The following STK3 variants were observed in gnomAD, a reference collection of about 807,000 sequenced individuals.
The protein encoded by STK3 is serine/threonine kinase 3, also known as serine/threonine-protein kinase 3.
STK3 carries 41 observed loss-of-function variants against 58.0 expected under a neutral mutation model. The observed-to-expected ratio is 0.71, with a 90% CI of 0.55 to 0.92. STK3 has a LOEUF of 0.92. Among genes scored for constraint, STK3 ranks in the 40% least tolerant of loss-of-function variants. The pLI, the probability that STK3 is intolerant of heterozygous loss-of-function variation, is 0.00. For synonymous variants in STK3, 170 were observed against 191.0 expected, an observed-to-expected ratio of 0.89 and a Z score of 0.91; for missense variants, 479 against 602.7, an observed-to-expected ratio of 0.79 and a Z score of 2.15.
At chr8:98,696,366 T>G (rs1824926610) in intron 6 of STK3, among the ~76,000 whole-genome samples, 1 of 151,614 alleles carries the variant, frequency 6.6e-6, no homozygotes, top group Admixed American at 6.6e-5. Context: ...CCTGCCTAAT[T>G]GCCCTGGCCA....
chr8:98,819,209 C>G (rs1038449393), intron 1 of STK3, among the ~76,000 whole-genome samples: 1 of 152,102 alleles, frequency 6.6e-6, no homozygotes, highest in African/African-American at 2.4e-5. Context: ...GCCTCAATCT[C>G]CTGAGCTCAA....
At chr8:98,363,023 T>C in the STK3 span, among the ~76,000 whole-genome samples, 1 of 152,208 alleles carries the variant, frequency 6.6e-6, no homozygotes, top group Non-Finnish European at 1.5e-5. Flanking sequence ...CCATGTTATC[T>C]ACAGTCCAGG....
At chr8:98,347,523 ACAAAAAAAAC>A in the STK3 span, among the ~76,000 whole-genome samples, 2 of 142,148 alleles carry the variant, frequency 1.4e-5, no homozygotes, top group South Asian at 2.2e-4. Context: ...TCAAAAAAAA[ACAAAAAAAAC>A]CAAAAAAAAC....
intron 3 of STK3, among the ~76,000 whole-genome samples, chr8:98,402,103 T>C (rs373555218): frequency 1.6e-4 from 24 of 152,344 alleles, no homozygotes; most frequent in Non-Finnish European, 3.5e-4. Flanking sequence ...ATAATTGGTA[T>C]TAATAATAGC....
In STK3 at chr8:98,579,654, A is replaced by C. The variant is rs1263701212; in HGVS notation, c.948+10T>G. On this transcript the variant is annotated intron_variant, in intron 8 of 10. Coordinates refer to ENST00000419617, the MANE Select transcript of STK3 (RefSeq NM_006281.4). ...AGAAAAAAATCAACTTTTTGAAGATAATTACAAACCGAATTTTCTTCTTCC... is the reference window on the plus strand; with the variant it reads ...AGAAAAAAATCAACTTTTTGAAGATCATTACAAACCGAATTTTCTTCTTCC... 3 of 1,600,430 alleles carry C rather than the reference A, an allele frequency of 1.9e-6. No individual in the cohort carries two copies. Among genetic ancestry groups the C allele is most frequent in the Non-Finnish European group, 2.5e-6 (3 of 1,177,218 alleles).
In STK3 at chr8:98,544,356, C is replaced by T. The variant is rs77801431; in HGVS notation, c.1141+3613G>A. Among the ~76,000 whole-genome samples the T allele has an allele frequency of 3.0e-3, 454 of 152,134 alleles. 4 individuals are homozygous for T. The highest frequency in any genetic ancestry group is 0.01 in the African/African-American group (422 of 41,526). ...ATGTAATTTTTAAACTGTTTCCTTC[C>T]TGTACTATTTGTATTTAATAAGTTA... On this transcript the variant is annotated intron_variant, in intron 9 of 10. Coordinates refer to ENST00000419617, the MANE Select transcript of STK3 (RefSeq NM_006281.4).
At chr8:98,923,286 G>A (rs1280738661) in intron 1 of STK3, among the ~76,000 whole-genome samples, 2 of 152,174 alleles carry the variant, frequency 1.3e-5, no homozygotes, top group Non-Finnish European at 1.5e-5. Context: ...TTATAATAAA[G>A]TTTCTTTTTT....
the STK3 span, among the ~76,000 whole-genome samples, chr8:98,353,950 A>T: frequency 4.8e-3 from 730 of 152,302 alleles, 8 homozygotes; most frequent in African/African-American, 0.017. Flanking sequence ...AACTCTAGTA[A>T]TATATTTTTT....
chr8:98,696,212 C>A (rs888973230), intron 6 of STK3, among the ~76,000 whole-genome samples: 1 of 152,148 alleles, frequency 6.6e-6, no homozygotes, highest in African/African-American at 2.4e-5. Context: ...ATTTTGTATC[C>A]TGAGACTTTG....
At chr8:98,912,340 T>C (rs926401837) in intron 1 of STK3, among the ~76,000 whole-genome samples, 2 of 151,748 alleles carry the variant, frequency 1.3e-5, no homozygotes, top group African/African-American at 4.9e-5. Flanking sequence ...ATCGCGCCAC[T>C]GCACTCCAGC....
chr8:98,426,518 C>T (rs908203918), intron 3 of STK3, among the ~76,000 whole-genome samples: 3 of 152,080 alleles, frequency 2.0e-5, no homozygotes, highest in African/African-American at 7.2e-5. Flanking sequence ...CTCCCGCCCC[C>T]CGCGTACTAA....
At chr8:98,900,221 C>T (rs950038561) in intron 1 of STK3, among the ~76,000 whole-genome samples, 71 of 151,670 alleles carry the variant, frequency 4.7e-4, no homozygotes, top group Admixed American at 3.1e-3. Context: ...AGATTACAGG[C>T]GCCCGCCACT....
intron 8 of STK3, among the ~76,000 whole-genome samples, chr8:98,564,178 GA>G (rs1285841060): frequency 6.6e-6 from 1 of 150,940 alleles, no homozygotes; most frequent in African/African-American, 2.4e-5. Flanking sequence ...CTCATCATTA[GA>G]AAAAAAAATC....
At chr8:98,436,389 C>T (rs940669797) in intron 2 of STK3, among the ~76,000 whole-genome samples, 23 of 152,202 alleles carry the variant, frequency 1.5e-4, no homozygotes, top group African/African-American at 5.5e-4. Flanking sequence ...CACCCATGTG[C>T]ATTGGCATTC....
Position 98,585,956 on chromosome 8 carries a change from A to G in STK3, c.823-6167T>C, listed in dbSNP as rs199687396. The stretch of plus-strand genomic sequence containing the variant: ...TTTGCACATTGATTTTGTATCCTGA[A>G]ACTTTGCTGAAGTTGCTTATCAGCT... On this transcript the variant is annotated intron_variant, in intron 7 of 10. Coordinates refer to ENST00000419617, the MANE Select transcript of STK3 (RefSeq NM_006281.4). Among the ~76,000 whole-genome samples, 1,343 of 152,020 alleles carry G rather than the reference A, an allele frequency of 8.8e-3. 16 individuals are homozygous for G. Among genetic ancestry groups the G allele is most frequent in the African/African-American group, 0.03 (1,256 of 41,360 alleles).
chr8:98,680,612 C>T (rs904114574), intron 6 of STK3, among the ~76,000 whole-genome samples: 3 of 152,154 alleles, frequency 2.0e-5, no homozygotes, highest in Non-Finnish European at 4.4e-5. Context: ...TGTTCTCTTT[C>T]CCTACAGAAG....
chr8:98,479,105 C>T (rs1053698891), intron 10 of STK3, among the ~76,000 whole-genome samples: 1 of 152,152 alleles, frequency 6.6e-6, no homozygotes, highest in African/African-American at 2.4e-5. Context: ...TGGCAGCTCT[C>T]ACTCCACCTG....
intron 1 of STK3, among the ~76,000 whole-genome samples, chr8:98,815,080 G>A (rs1455565371): frequency 6.6e-6 from 1 of 152,146 alleles, no homozygotes; most frequent in Non-Finnish European, 1.5e-5. Flanking sequence ...AATATTTAGT[G>A]GTGAGAAAAA....
chr8:98,528,999 T>C (rs1023782177), intron 9 of STK3, among the ~76,000 whole-genome samples: 24 of 123,212 alleles, frequency 1.9e-4, no homozygotes, highest in Non-Finnish European at 2.8e-4. Flanking sequence ...TATGGAGACA[T>C]TCTAGTCTAC....
Sources: gnomAD v4.1 joint callset for allele counts (sites outside exome capture counted in the v4.1 genomes callset) on GRCh38, gnomAD v4.1.1 for gene constraint, MANE v1.5 for transcripts, NCBI Gene and HGNC (gene_info 2026-07-23, HGNC 2026-07-21) for gene names.